Variants in LRRFIP2 observed in about 807,000 individuals in gnomAD.
The protein encoded by LRRFIP2 is leucine-rich repeat flightless-interacting protein 2.
LRRFIP2 carries 109 observed loss-of-function variants against 125.9 expected under a neutral mutation model. The ratio of observed to expected loss-of-function variants is 0.87; its 90% CI spans 0.74 to 1.01. The LOEUF is 1.01. Among genes scored for constraint, LRRFIP2 ranks in the 50% least tolerant of loss-of-function variants. LRRFIP2 has a pLI of 0.00. For synonymous variants in LRRFIP2, 291 were observed against 293.1 expected (o/e 0.99, Z 0.07); for missense variants, 850 against 862.3 (o/e 0.99, Z 0.18).
In LRRFIP2 at chr3:37,063,736, C is replaced by T. The variant is rs372681393; in HGVS notation, c.1749+6G>A. On this transcript the variant is annotated splice_donor_region_variant and intron_variant, in intron 24 of 27. Coordinates refer to ENST00000336686, the MANE Select transcript of LRRFIP2 (RefSeq NM_006309.4). ...TTATATTACACTCCAATAAGAATGC[C>T]TTTACCTGTGACAGTAGTTCTTCCT... The T allele has an allele frequency of 6.2e-6, 10 of 1,606,374 alleles. No individual in the cohort carries two copies. The highest frequency in any genetic ancestry group is 8.5e-6 in the Non-Finnish European group (10 of 1,173,152).
chr3:37,142,864 T>C (rs2095747532), intron 2 of LRRFIP2, among the ~76,000 whole-genome samples: 1 of 152,180 alleles, frequency 6.6e-6, no homozygotes, highest in African/African-American at 2.4e-5. Flanking sequence ...AAAGTAAACA[T>C]GTTAAGGTGA....
At chr3:37,170,732 T>A (rs946264717) in intron 1 of LRRFIP2, 4 of 152,294 alleles carry the variant, frequency 2.6e-5, no homozygotes, top group East Asian at 1.9e-4. Flanking sequence ...GAAGATAACA[T>A]CAATGCTGGC....
chr3:37,063,649 A>C (rs1298421862), intron 24 of LRRFIP2, 93 bp downstream of exon 24: 12 of 904,676 alleles, frequency 1.3e-5, no homozygotes, highest in Admixed American at 3.7e-5. Context: ...TGTTTGAAAG[A>C]AGCATATTTT....
At chr3:37,061,930 G>A (rs1043248077) in intron 24 of LRRFIP2, among the ~76,000 whole-genome samples, 3 of 152,058 alleles carry the variant, frequency 2.0e-5, no homozygotes, top group Non-Finnish European at 2.9e-5. Context: ...CTCTAGACCC[G>A]AATTCCAACA....
rs555053298 is a variant in LRRFIP2 at position 37,155,327 on chromosome 3, C to T, written c.-55-6289G>A. Among the ~76,000 whole-genome samples the T allele has an allele frequency of 4.7e-4, 71 of 152,268 alleles. 1 individual carries two copies. Among genetic ancestry groups the T allele is most frequent in the Middle Eastern group, 6.8e-3 (2 of 294 alleles). Reference sequence around the variant, plus strand: ...TGAAATTGACAAAAAAAAAGCAATCCTTTTCATACTTTTAACTAAACAAAA... The same window carrying T: ...TGAAATTGACAAAAAAAAAGCAATCTTTTTCATACTTTTAACTAAACAAAA... On this transcript the variant is annotated intron_variant, in intron 1 of 27. Coordinates refer to ENST00000336686, the MANE Select transcript of LRRFIP2 (RefSeq NM_006309.4).
At chr3:37,056,453 TTTTTC>T (rs2086881176) in intron 25 of LRRFIP2, among the ~76,000 whole-genome samples, 1 of 131,896 alleles carries the variant, frequency 7.6e-6, no homozygotes, top group Admixed American at 8.0e-5. Flanking sequence ...ATGTGAGAGG[TTTTTC>T]TTTTTTTTTT....
intron 20 of LRRFIP2, among the ~76,000 whole-genome samples, chr3:37,074,736 T>C (rs529023048): frequency 1.3e-5 from 2 of 152,354 alleles, no homozygotes; most frequent in African/African-American, 4.8e-5. Context: ...AATAATGTTA[T>C]TCTATAATTT....
At chr3:37,102,653 C>T (rs1414299963) in intron 15 of LRRFIP2, among the ~76,000 whole-genome samples, 2 of 151,782 alleles carry the variant, frequency 1.3e-5, no homozygotes, top group Admixed American at 1.3e-4. Context: ...TGTGCGCCCC[C>T]ACACCCAGCT....
At chr3:37,061,542 C>G (rs1207165800) in intron 24 of LRRFIP2, among the ~76,000 whole-genome samples, 1 of 151,854 alleles carries the variant, frequency 6.6e-6, no homozygotes, top group Non-Finnish European at 1.5e-5. Flanking sequence ...AGGCACCCAC[C>G]ACCATGCCCG....
At chr3:37,068,019 C>A (rs1446326988) in intron 21 of LRRFIP2, 1 of 152,200 alleles carries the variant, frequency 6.6e-6, no homozygotes, top group Non-Finnish European at 1.5e-5. Context: ...TATCTGACTT[C>A]TTTTCAACAA....
At chr3:37,107,259 G>A (rs2094374157) in intron 13 of LRRFIP2, among the ~76,000 whole-genome samples, 1 of 152,078 alleles carries the variant, frequency 6.6e-6, no homozygotes, top group South Asian at 2.1e-4. Context: ...CCATTAAAAA[G>A]AATGTGCTAA....
chr3:37,055,686 C>T (rs926032993), intron 25 of LRRFIP2, among the ~76,000 whole-genome samples: 29 of 152,224 alleles, frequency 1.9e-4, no homozygotes, highest in African/African-American at 6.8e-4. Context: ...TACAGTATCC[C>T]TTGCAGCAAG....
rs550879771 is a variant in LRRFIP2, at chr3:37,160,431, C to T, written c.-55-11393G>A. Among the ~76,000 whole-genome samples the T allele has an allele frequency of 4.6e-5, 7 of 152,236 alleles. No individual in the cohort carries two copies. The South Asian group carries it at 1.2e-3, about 27-fold the overall frequency. On this transcript the variant is annotated intron_variant, in intron 1 of 27. Transcript: ENST00000336686. ...CAAAAATAACCATCATTAATATCTT[C>T]AGAAAATTAAGGCAAATTATAGCCA...
intron 2 of LRRFIP2, among the ~76,000 whole-genome samples, chr3:37,130,876 A>G (rs957068801): frequency 2.0e-5 from 3 of 152,232 alleles, no homozygotes; most frequent in African/African-American, 7.2e-5. Context: ...TAGAAAAAAG[A>G]ATCATGCACT....
chr3:37,161,816 G>A (rs1344616148), intron 1 of LRRFIP2, among the ~76,000 whole-genome samples: 2 of 151,494 alleles, frequency 1.3e-5, no homozygotes, highest in Admixed American at 6.6e-5. Flanking sequence ...AGAGAGAGAG[G>A]TAGAAAATAA....
chr3:37,175,358 G>T (rs972102607), upstream of LRRFIP2: 8 of 152,160 alleles, frequency 5.3e-5, no homozygotes, highest in African/African-American at 1.7e-4. Context: ...AACAGTTAAG[G>T]TTTAGGATAC....
At chr3:37,084,993 G>A (rs2092939032) in intron 18 of LRRFIP2, among the ~76,000 whole-genome samples, 1 of 152,152 alleles carries the variant, frequency 6.6e-6, no homozygotes, top group Non-Finnish European at 1.5e-5. Flanking sequence ...GGACAAAGGG[G>A]TCCATGTAAC....
intron 19 of LRRFIP2, among the ~76,000 whole-genome samples, chr3:37,081,220 G>A (rs2092613314): frequency 6.6e-6 from 1 of 152,038 alleles, no homozygotes; most frequent in South Asian, 2.1e-4. Context: ...CCAGCCTGGG[G>A]AGCAGAGCAA....
At chr3:37,064,172 G>GTAATATAATTTTAAC in intron 23 of LRRFIP2, 1 of 189,524 alleles carries the variant, frequency 5.3e-6, no homozygotes. Context: ...CCAAATATGT[G>GTAATATAATTTTAAC]AAAGAAGATG....
Sources: gnomAD v4.1 joint callset for allele counts (sites outside exome capture counted in the v4.1 genomes callset) on GRCh38, gnomAD v4.1.1 for gene constraint, MANE v1.5 for transcripts, NCBI Gene and HGNC (gene_info 2026-07-23, HGNC 2026-07-21) for gene names.